The following GALK2 variants were observed in gnomAD, a reference collection of about 807,000 sequenced individuals.
GALK2 encodes the protein galactokinase 2.
A neutral mutation model predicts 52.4 loss-of-function variants in GALK2; 36 were observed. The ratio of observed to expected loss-of-function variants is 0.69; its 90% confidence interval spans 0.53 to 0.91. The LOEUF (loss-of-function observed/expected upper bound fraction) is 0.91. GALK2 is among the 40% of genes least tolerant of loss of function. The pLI, the probability that GALK2 is intolerant of heterozygous loss-of-function variation, is 0.00. For missense variants in GALK2, 579 were observed against 559.1 expected, an observed-to-expected ratio of 1.04 and a Z score of -0.36; for synonymous variants, 176 against 199.1, an observed-to-expected ratio of 0.88 and a Z score of 0.98.
At chr15:49,364,413 G>A (rs1008888101) in intron 3 of GALK2, among the ~76,000 whole-genome samples, 1 of 152,086 alleles carries the variant, frequency 6.6e-6, no homozygotes, top group African/African-American at 2.4e-5. Flanking sequence ...GATGTTCATA[G>A]TAGTCTTGGA....
intron 5 of GALK2, among the ~76,000 whole-genome samples, chr15:49,251,830 A>G (rs1201305261): frequency 6.6e-6 from 1 of 152,238 alleles, no homozygotes; most frequent in Non-Finnish European, 1.5e-5. Context: ...AACATAAAAA[A>G]TAGCAAGACT....
intron 8 of GALK2, among the ~76,000 whole-genome samples, chr15:49,299,492 A>AGATC (rs1361249145): frequency 6.6e-6 from 1 of 151,832 alleles, no homozygotes; most frequent in African/African-American, 2.4e-5. Flanking sequence ...TATTAATTTG[A>AGATC]GATCTTTCTA....
intron 1 of GALK2, among the ~76,000 whole-genome samples, chr15:49,187,032 T>C (rs2141245626): frequency 6.6e-6 from 1 of 152,336 alleles, no homozygotes; most frequent in East Asian, 1.9e-4. Flanking sequence ...TCAAGTATTA[T>C]GGTAGTCTTT....
At chr15:49,212,450 C>A (rs554813369) in intron 2 of GALK2, among the ~76,000 whole-genome samples, 32 of 149,104 alleles carry the variant, frequency 2.1e-4, no homozygotes, top group Middle Eastern at 3.4e-3. Context: ...GTTTGCAAAA[C>A]ACCAACTTTT....
chr15:49,206,116 G>A (rs1331401430), intron 2 of GALK2, among the ~76,000 whole-genome samples: 8 of 152,142 alleles, frequency 5.3e-5, no homozygotes, highest in Non-Finnish European at 7.4e-5. Flanking sequence ...CTAGTACCAC[G>A]CTGTTTTGGT....
intron 5 of GALK2, among the ~76,000 whole-genome samples, chr15:49,258,794 ATGTGTGTGTGTGTG>A (rs35306007): frequency 9.6e-6 from 1 of 103,736 alleles, no homozygotes; most frequent in Non-Finnish European, 2.0e-5. Flanking sequence ...ATATATATAT[ATGTGTGTGTGTGTG>A]TGTGTGTGTG....
intron 3 of GALK2, among the ~76,000 whole-genome samples, chr15:49,349,034 G>A (rs1432632136): frequency 6.6e-6 from 1 of 152,024 alleles, no homozygotes; most frequent in African/African-American, 2.4e-5. Context: ...CTCACTCCCT[G>A]GAACCTGATT....
intron 1 of GALK2, chr15:49,199,283 T>C (rs186566436): frequency 7.2e-5 from 11 of 152,346 alleles, no homozygotes; most frequent in Admixed American, 2.6e-4. Context: ...TTCTTCTTTT[T>C]TCCCCCTATT....
At chr15:49,286,574 A>G (rs1273363795) in intron 7 of GALK2, among the ~76,000 whole-genome samples, 3 of 152,178 alleles carry the variant, frequency 2.0e-5, no homozygotes, top group Non-Finnish European at 4.4e-5. Flanking sequence ...TTGAAAAATT[A>G]TGATTTAAAT....
chr15:49,215,628 A>G (rs988995051), intron 2 of GALK2, among the ~76,000 whole-genome samples: 1 of 152,188 alleles, frequency 6.6e-6, no homozygotes, highest in African/African-American at 2.4e-5. Context: ...AGAATAATGA[A>G]TTTCTTCCCT....
At chr15:49,187,007 C>T (rs2086398677) in intron 1 of GALK2, among the ~76,000 whole-genome samples, 1 of 152,154 alleles carries the variant, frequency 6.6e-6, no homozygotes, top group Non-Finnish European at 1.5e-5. Context: ...TCACTGATGT[C>T]TGGACATTGA....
upstream of GALK2, among the ~76,000 whole-genome samples, chr15:49,166,732 G>A (rs987683250): frequency 1.3e-5 from 2 of 151,872 alleles, no homozygotes; most frequent in African/African-American, 4.8e-5. Flanking sequence ...CAAAAAAGAA[G>A]GAATGTAACA....
chr15:49,300,588 C>G (rs148495225), intron 8 of GALK2, among the ~76,000 whole-genome samples: 2,874 of 152,008 alleles, frequency 0.019, 46 homozygotes, highest in Middle Eastern at 0.031. Context: ...TCCCATAATC[C>G]CGACATGTCA....
Position 49,197,918 on chromosome 15 carries a change from T to C in GALK2, c.54-3244T>C, listed in dbSNP as rs28639540. ...ATATTTTCTTATTTAACTTCTACTA[T>C]CTGCTTTGTCAGTTTTTTTTTCCCA... On this transcript the variant is annotated intron_variant, in intron 1 of 9. Transcript: ENST00000560031. Among the ~76,000 whole-genome samples, 412 of 152,330 alleles carry C rather than the reference T, an allele frequency of 2.7e-3. 4 individuals carry two copies. The highest frequency in any genetic ancestry group is 9.7e-3 in the African/African-American group (402 of 41,576).
chr15:49,201,274 A>T, intron 2 of GALK2, 24 bp downstream of exon 2: 2 of 1,337,798 alleles, frequency 1.5e-6, no homozygotes, highest in Non-Finnish European at 2.1e-6. Flanking sequence ...TCCTTCTCTT[A>T]ATTTTTTTCT....
intron 1 of GALK2, among the ~76,000 whole-genome samples, chr15:49,185,915 A>G (rs2086305131): frequency 6.6e-6 from 1 of 152,122 alleles, no homozygotes; most frequent in Non-Finnish European, 1.5e-5. Context: ...CAGCACTTTA[A>G]GTATGTCTTG....
At chr15:49,229,724 G>T (rs895397635) in intron 3 of GALK2, among the ~76,000 whole-genome samples, 1 of 152,170 alleles carries the variant, frequency 6.6e-6, no homozygotes, top group Non-Finnish European at 1.5e-5. Flanking sequence ...TGCCCAGGTG[G>T]TGGTGGCAGT....
chr15:49,251,525 G>A (rs1331335231), intron 5 of GALK2, among the ~76,000 whole-genome samples: 1 of 152,076 alleles, frequency 6.6e-6, no homozygotes, highest in Non-Finnish European at 1.5e-5. Context: ...CACTTAACAT[G>A]AGATCTACCC....
intron 5 of GALK2, among the ~76,000 whole-genome samples, chr15:49,249,604 T>TG (rs2091502275): frequency 6.6e-6 from 1 of 152,192 alleles, no homozygotes; most frequent in African/African-American, 2.4e-5. Flanking sequence ...GAAGTTTTGT[T>TG]GACTGTATTG....
Sources: allele counts gnomAD v4.1 joint callset (sites outside exome capture counted in the v4.1 genomes callset), GRCh38; gene constraint gnomAD v4.1.1; transcripts MANE v1.5; gene names NCBI Gene and HGNC (gene_info 2026-07-23, HGNC 2026-07-21).